SYNGR2: variants seen among roughly 807,000 people sequenced by gnomAD.
The protein encoded by SYNGR2 is synaptogyrin 2.
Under a neutral mutation model 18.7 loss-of-function variants are expected in SYNGR2, and 11 were observed. That is an observed-to-expected ratio of 0.59 (90% CI 0.37 to 0.97). The LOEUF is 0.97. Ranked by LOEUF, SYNGR2 falls within the 50% of genes least tolerant of loss-of-function variation. SYNGR2 has a pLI of 0.01. For missense variants in SYNGR2, 253 were observed against 300.7 expected, an observed-to-expected ratio of 0.84 and a Z score of 1.17; for synonymous variants, 127 against 131.0, an observed-to-expected ratio of 0.97 and a Z score of 0.21.
Position 78,171,465 on chromosome 17 carries a change from C to A in SYNGR2, c.338-45C>A. 2 of 1,511,612 alleles carry A rather than the reference C, an allele frequency of 1.3e-6. No individual in the cohort carries two copies. Among genetic ancestry groups the A allele is most frequent in the Non-Finnish European group, 8.8e-7 (1 of 1,130,610 alleles). 93.6% of individuals were successfully genotyped at this position (1,511,612 alleles called of 1,614,324 possible). On this transcript the variant is annotated intron_variant, in intron 2 of 3. Transcript: ENST00000225777. The surrounding 1 kb of genome is among the most constrained non-coding windows in gnomAD (Gnocchi z 6.6). ...CGTCCCCTCCCAGAGTCCTGGAAAG[C>A]CCCTCCCTTTCCATGGAACTGACGC...
chr17:78,168,565 C>T (rs2075634476), upstream of SYNGR2: 2 of 1,112,414 alleles, frequency 1.8e-6, no homozygotes, highest in Non-Finnish European at 2.2e-6. Flanking sequence ...GGGCGGGGCG[C>T]CGGGCAGGTT....
At position 78,170,566 on chromosome 17, in the gene SYNGR2, T is replaced by G; in HGVS notation, c.100-251T>G. ...ATACGGGTGTGGTGGAGGGCACCTGTAATCCCAGCTACTAGGGAGGCTGAG... is the reference window on the plus strand; with the variant it reads ...ATACGGGTGTGGTGGAGGGCACCTGGAATCCCAGCTACTAGGGAGGCTGAG... On this transcript the variant is annotated intron_variant, in intron 1 of 3. Coordinates refer to ENST00000225777, the MANE Select transcript of SYNGR2 (RefSeq NM_004710.7). 7.6e-6 allele frequency: 4 copies of G among 524,640 alleles called. No homozygotes were observed. The South Asian group carries it at 7.8e-5, about 10-fold the overall frequency. The allele number at this position is 524,640 out of a possible 1,614,324, so 32.5% of individuals were successfully genotyped here. A position where few individuals can be genotyped will look rare whatever the true frequency, so the allele number is the denominator to read the frequency against.
intron 1 of SYNGR2, chr17:78,169,617 A>C (rs1326542758): frequency 1.3e-5 from 2 of 152,364 alleles, no homozygotes; most frequent in African/African-American, 4.8e-5. Flanking sequence ...TCCCTGGGAC[A>C]ACAGGGCAGG....
In SYNGR2 at chr17:78,171,489, G is replaced by A. The variant is rs1357057699; in HGVS notation, c.338-21G>A. The A allele has an allele frequency of 5.3e-6, 8 of 1,513,906 alleles. No individual in the cohort carries two copies. The highest frequency in any genetic ancestry group is 2.7e-5 in the South Asian group (2 of 74,350). The allele number at this position is 1,513,906 out of a possible 1,614,324, so 93.8% of individuals were successfully genotyped here. On this transcript the variant is annotated intron_variant, in intron 2 of 3. Transcript: ENST00000225777. The surrounding 1 kb of genome is among the most constrained non-coding windows in gnomAD (Gnocchi z 6.6). ...GCCCCTCCCTTTCCATGGAACTGAC[G>A]CTTCACCCGTCCTCCCCCAGCTCTC... is the stretch of plus-strand genomic sequence containing the variant.
Position 78,171,576 on chromosome 17 carries a change from C to T in SYNGR2, c.404C>T (p.Pro135Leu), listed in dbSNP as rs544604839. Residue 135 changes from proline (P) to leucine (L), a missense_variant, in exon 3 of 4, where the codon CCG becomes CTG. Physicochemically the swap from Pro to Leu is moderately conservative, Grantham distance 98. Coordinates refer to ENST00000225777, the MANE Select transcript of SYNGR2 (RefSeq NM_004710.7). This position sits in a 1 kb window ranked among gnomAD's most constrained non-coding sequence, Gnocchi z 6.6. ...FLTNQWAVTNPKDVLVGADSV... is the reference protein window; with the variant it reads ...FLTNQWAVTNLKDVLVGADSV... Reference sequence around the variant, plus strand: ...ACCAACCAGTGGGCAGTCACCAACCCGAAGGACGTGCTGGTGGGGGCCGAC... The same window carrying T: ...ACCAACCAGTGGGCAGTCACCAACCTGAAGGACGTGCTGGTGGGGGCCGAC... 24 of 1,548,742 alleles carry T rather than the reference C, an allele frequency of 1.5e-5. No individual in the cohort carries two copies. The Admixed American group carries it at 3.1e-4, about 20-fold the overall frequency.
Position 78,172,333 on chromosome 17 carries a change from TG to T in SYNGR2, c.*402del, listed in dbSNP as rs1328747968. 3 of 418,160 alleles carry T rather than the reference TG, an allele frequency of 7.2e-6. No homozygotes were observed. The highest frequency in any genetic ancestry group is 4.3e-6 in the Non-Finnish European group (1 of 230,584). The allele number at this position is 418,160 out of a possible 1,614,324, so 25.9% of individuals were successfully genotyped here. ...ATCTGCGTTCTCTGCCAAAGACTCG[TG>T]GGGGCCATCACACCTGCCCTGTGCA... On this transcript the variant is annotated 3_prime_UTR_variant, in exon 4 of 4. Coordinates refer to ENST00000225777, the MANE Select transcript of SYNGR2 (RefSeq NM_004710.7).
rs1469379234 is a variant in SYNGR2, at chr17:78,171,977, C to T, written c.*41C>T. On this transcript the variant is annotated 3_prime_UTR_variant, in exon 4 of 4. Coordinates refer to ENST00000225777, the MANE Select transcript of SYNGR2 (RefSeq NM_004710.7). This position sits in a 1 kb window ranked among gnomAD's most constrained non-coding sequence, Gnocchi z 6.6. ...GGAAGGGGGACAGAGAGGGCCCTCC[C>T]CTCTGCCCTGGACTTTCCCATGAGC... 1.2e-6 allele frequency: 2 copies of T among 1,607,412 alleles called. No homozygotes were observed. The highest frequency in any genetic ancestry group is 2.2e-5 in the South Asian group (2 of 91,078).
intron 1 of SYNGR2, 26 bp from the exon 2 acceptor site, chr17:78,170,791 C>T: frequency 6.3e-7 from 1 of 1,596,922 alleles, no homozygotes. Flanking sequence ...GGCCACCAGC[C>T]CTACCAGGTC....
rs1398447398 is a variant in SYNGR2, at chr17:78,170,830, T to A, written c.113T>A (p.Ile38Asn). 2 of 1,610,166 alleles carry A rather than the reference T, an allele frequency of 1.2e-6. No homozygotes were observed. The highest frequency in any genetic ancestry group is 1.7e-6 in the Non-Finnish European group (2 of 1,178,822). Reference sequence around the variant, plus strand: ...CCCTCCCGGCAGGTCTTCGCCTTGATCGTGTTCTCCTGCATCTATGGTGAG... The same window carrying A: ...CCCTCCCGGCAGGTCTTCGCCTTGAACGTGTTCTCCTGCATCTATGGTGAG... ...ARAVCLVFAL[I>N]VFSCIYGEGY... Residue 38 changes from isoleucine (I) to asparagine (N), a missense_variant, in exon 2 of 4, where the codon ATC becomes AAC. Transcript: ENST00000225777.
Position 78,170,965 on chromosome 17 carries a change from C to A in SYNGR2, c.248C>A (p.Ala83Asp), listed in dbSNP as rs1567826943. ...GGGGTGCTGGCCTTCCTGGCCTCGG[C>A]CTTCTTCTTGGTGGTCGACGCGTAT... ...AIGVLAFLAS[A>D]FFLVVDAYFP... The change falls in exon 2 of 4, where the codon GCC becomes GAC. Residue 83 changes from alanine (A) to aspartate (D), a missense_variant. Ala to Asp is a moderately radical substitution (Grantham distance 126). Transcript: ENST00000225777. 6.2e-7 allele frequency: 1 copy of A among 1,613,274 alleles called. No homozygotes were observed. Among genetic ancestry groups the A allele is most frequent in the East Asian group, 2.2e-5 (1 of 44,870 alleles).
chr17:78,169,382 G>T (rs2075643429), intron 1 of SYNGR2, among the ~76,000 whole-genome samples: 1 of 152,116 alleles, frequency 6.6e-6, no homozygotes, highest in Admixed American at 6.5e-5. Flanking sequence ...CCTGGGCCTG[G>T]AGCTTCTGAG....
Position 78,172,282 on chromosome 17 carries a change from C to T in SYNGR2, c.*346C>T, listed in dbSNP as rs1266684521. ...CAAGTGCCTCAGCTTCCCCCCGGCC[C>T]GGGTCAGGCCGTGGGAGCCGCTATT... is the stretch of plus-strand genomic sequence containing the variant. On this transcript the variant is annotated 3_prime_UTR_variant, in exon 4 of 4. Transcript: ENST00000225777. The T allele has an allele frequency of 1.5e-5, 8 of 518,590 alleles. No individual in the cohort carries two copies. The highest frequency in any genetic ancestry group is 7.6e-5 in the African/African-American group (4 of 52,784). 32.1% of individuals were successfully genotyped at this position (518,590 alleles called of 1,614,324 possible).
chr17:78,169,186 C>T (rs1351062681), intron 1 of SYNGR2: 2 of 152,216 alleles, frequency 1.3e-5, no homozygotes, highest in African/African-American at 4.8e-5. Context: ...TCCGCCTTCC[C>T]ACCCGAAGTT....
Position 78,172,171 on chromosome 17 carries a change from T to C in SYNGR2, c.*235T>C. ...CCTCCAGGGCACTTTTAGGAAAGGG[T>C]TTTTAGCTAGTGTTTTTCCTCGCTT... On this transcript the variant is annotated 3_prime_UTR_variant, in exon 4 of 4. Coordinates refer to ENST00000225777, the MANE Select transcript of SYNGR2 (RefSeq NM_004710.7). The C allele has an allele frequency of 1.0e-6, 1 of 955,776 alleles. No homozygotes were observed. Among genetic ancestry groups the C allele is most frequent in the South Asian group, 1.8e-5 (1 of 54,834 alleles). 59.2% of individuals were successfully genotyped at this position (955,776 alleles called of 1,614,324 possible).
rs1334705452 is a variant in SYNGR2 at position 78,172,340 on chromosome 17, C to T, written c.*404C>T. 7.3e-6 allele frequency: 3 copies of T among 408,976 alleles called. No individual in the cohort carries two copies. The highest frequency in any genetic ancestry group is 4.3e-5 in the East Asian group (1 of 23,368). 25.3% of individuals were successfully genotyped at this position (408,976 alleles called of 1,614,324 possible). On this transcript the variant is annotated 3_prime_UTR_variant, in exon 4 of 4. Coordinates refer to ENST00000225777, the MANE Select transcript of SYNGR2 (RefSeq NM_004710.7). ...TTCTCTGCCAAAGACTCGTGGGGGC[C>T]ATCACACCTGCCCTGTGCAGCGGAG...
Position 78,171,793 on chromosome 17 carries a change from A to C in SYNGR2, c.532A>C (p.Ile178Leu), listed in dbSNP as rs568985425. The stretch of plus-strand genomic sequence containing the variant: ...CTACAAGGCTGGCGTGGACGACTTC[A>C]TCCAGAATTACGTTGACCCCACTCC... ...QRYKAGVDDF[I>L]QNYVDPTPDP... Residue 178 changes from isoleucine (I) to leucine (L), a missense_variant, in exon 4 of 4, where the codon ATC (isoleucine) becomes CTC (leucine). Coordinates refer to ENST00000225777, the MANE Select transcript of SYNGR2 (RefSeq NM_004710.7). This position sits in a 1 kb window ranked among gnomAD's most constrained non-coding sequence, Gnocchi z 6.6. 6.2e-7 allele frequency: 1 copy of C among 1,613,982 alleles called. No homozygotes were observed. Among genetic ancestry groups the C allele is most frequent in the Admixed American group, 1.7e-5 (1 of 60,018 alleles).
chr17:78,170,617 A>G, intron 1 of SYNGR2, 200 bp from the exon 2 acceptor site: 1 of 632,684 alleles, frequency 1.6e-6, no homozygotes. Context: ...CCCAGGAGGC[A>G]GAGGATGCAG....
In SYNGR2 at chr17:78,170,810, C is replaced by G; in HGVS notation, c.100-7C>G. 6.2e-7 allele frequency: 1 copy of G among 1,604,436 alleles called. No homozygotes were observed. The highest frequency in any genetic ancestry group is 1.3e-5 in the African/African-American group (1 of 74,992). On this transcript the variant is annotated splice_region_variant and splice_polypyrimidine_tract_variant and intron_variant, in intron 1 of 3. Transcript: ENST00000225777. ...ACCAGCCCTACCAGGTCCTCCCCTC[C>G]CGGCAGGTCTTCGCCTTGATCGTGT...
chr17:78,171,164 T>A lies in SYNGR2; in HGVS notation c.337+110T>A. On this transcript the variant is annotated intron_variant, in intron 2 of 3. Coordinates refer to ENST00000225777, the MANE Select transcript of SYNGR2 (RefSeq NM_004710.7). The surrounding 1 kb of genome is among the most constrained non-coding windows in gnomAD (Gnocchi z 6.6). ...GGAGGGGCAGGGAGCAGCTCACTCC[T>A]CCAGGGCATTTTTAGGAAAGGGTTT... 9.4e-7 allele frequency: 1 copy of A among 1,069,032 alleles called. No homozygotes were observed. The highest frequency in any genetic ancestry group is 1.4e-6 in the Non-Finnish European group (1 of 730,520). The allele number at this position is 1,069,032 out of a possible 1,614,324, so 66.2% of individuals were successfully genotyped here.
Sources: allele counts gnomAD v4.1 joint callset (sites outside exome capture counted in the v4.1 genomes callset), GRCh38; gene constraint gnomAD v4.1.1; non-coding constraint Gnocchi (gnomAD v3.1); transcripts MANE v1.5; gene names NCBI Gene and HGNC (gene_info 2026-07-23, HGNC 2026-07-21).